The following ZPBP variants were observed in gnomAD, a reference collection of about 807,000 sequenced individuals.
ZPBP encodes zona pellucida-binding protein 1.
ZPBP carries 26 observed loss-of-function variants against 44.8 expected under a neutral mutation model. That is an observed-to-expected ratio of 0.58 (90% CI 0.43 to 0.81). The LOEUF (loss-of-function observed/expected upper bound fraction) is 0.81. Ranked by LOEUF, ZPBP falls within the 30% of genes least tolerant of loss-of-function variation. The pLI is 0.00. For missense variants in ZPBP, 409 were observed against 434.0 expected, an observed-to-expected ratio of 0.94 and a Z score of 0.51; for synonymous variants, 174 against 153.2, an observed-to-expected ratio of 1.14 and a Z score of -1.00.
chr7:49,856,191 A>G (rs1407961644), intron 2 of ZPBP, among the ~76,000 whole-genome samples: 3 of 152,162 alleles, frequency 2.0e-5, no homozygotes, highest in Non-Finnish European at 2.9e-5. Flanking sequence ...GTGATCCCTA[A>G]TGTTGGAGAT....
chr7:49,978,139 C>A (rs1796616791), intron 7 of ZPBP, among the ~76,000 whole-genome samples: 2 of 149,670 alleles, frequency 1.3e-5, no homozygotes. Context: ...AATATATAAG[C>A]TATACAAAAA....
intron 6 of ZPBP, among the ~76,000 whole-genome samples, chr7:50,011,090 G>A (rs1798555091): frequency 6.6e-6 from 1 of 151,950 alleles, no homozygotes; most frequent in Non-Finnish European, 1.5e-5. Flanking sequence ...CATCAACAAG[G>A]TAAACCAAAA....
chr7:49,951,996 A>G (rs1326306975), intron 7 of ZPBP, among the ~76,000 whole-genome samples: 3 of 151,898 alleles, frequency 2.0e-5, no homozygotes, highest in Non-Finnish European at 4.4e-5. Flanking sequence ...TTTATTTTAT[A>G]TGAAATATCC....
intron 6 of ZPBP, 77 bp from the exon 7 acceptor site, chr7:49,983,596 T>C: frequency 1.1e-6 from 1 of 920,514 alleles, no homozygotes; most frequent in Non-Finnish European, 1.6e-6. Flanking sequence ...TGCATGTGGA[T>C]TTAGAATTTA....
At chr7:49,900,553 C>A (rs547352735) in intron 2 of ZPBP, among the ~76,000 whole-genome samples, 13 of 151,722 alleles carry the variant, frequency 8.6e-5, no homozygotes, top group African/African-American at 3.1e-4. Context: ...GTTTAATAAT[C>A]AAGATGAAAT....
At chr7:49,992,453 A>G (rs1437489703) in intron 6 of ZPBP, among the ~76,000 whole-genome samples, 1 of 152,180 alleles carries the variant, frequency 6.6e-6, no homozygotes, top group Non-Finnish European at 1.5e-5. Context: ...ATGGAGTGAA[A>G]TTAAAAATTA....
At chr7:49,915,330 A>C (rs1257113661) in intron 1 of ZPBP, 1 of 152,170 alleles carries the variant, frequency 6.6e-6, no homozygotes, top group Non-Finnish European at 1.5e-5. Flanking sequence ...AAGCCTTGAA[A>C]CTAATTTAGG....
At chr7:50,017,061 G>A (rs900004337) in intron 6 of ZPBP, among the ~76,000 whole-genome samples, 1 of 152,040 alleles carries the variant, frequency 6.6e-6, no homozygotes, top group African/African-American at 2.4e-5. Context: ...GTTCGAGGGT[G>A]ACTCAAGGGC....
At position 50,031,080 on chromosome 7, in the gene ZPBP, G is replaced by C; in HGVS notation, c.706+12C>G. 6.8e-6 allele frequency: 11 copies of C among 1,611,454 alleles called. No individual in the cohort carries two copies. Among genetic ancestry groups the C allele is most frequent in the Non-Finnish European group, 9.3e-6 (11 of 1,178,410 alleles). The stretch of plus-strand genomic sequence containing the variant: ...TCTCCATTTGCTTTTCTAACAAATT[G>C]TATAGACTTACCTGAAAATGCAAAG... On this transcript the variant is annotated intron_variant, in intron 5 of 7. Transcript: ENST00000046087.
At chr7:49,979,830 T>C (rs1462682471) in intron 7 of ZPBP, among the ~76,000 whole-genome samples, 1 of 99,688 alleles carries the variant, frequency 1.0e-5, no homozygotes, top group East Asian at 2.6e-4. Flanking sequence ...TATACATATA[T>C]ATATATATAT....
intron 2 of ZPBP, among the ~76,000 whole-genome samples, chr7:49,854,812 C>T (rs1433327635): frequency 1.3e-5 from 2 of 152,174 alleles, no homozygotes; most frequent in African/African-American, 2.4e-5. Context: ...TTACTAAATG[C>T]TCTAGATAAA....
rs1314959170 is a variant in ZPBP, at chr7:49,981,216, T to C, written c.961+2126A>G. On this transcript the variant is annotated intron_variant, in intron 7 of 7. Coordinates refer to ENST00000046087, the MANE Select transcript of ZPBP (RefSeq NM_007009.3). ...AATGTATGTTATATATAATGTAATA[T>C]ATATTTATATACAAATTGTAAATAT... is the stretch of plus-strand genomic sequence containing the variant. Among the ~76,000 whole-genome samples the C allele has an allele frequency of 3.4e-5, 4 of 117,958 alleles. No homozygotes were observed. The East Asian group carries it at 9.3e-4, about 28-fold the overall frequency. 77.4% of individuals were successfully genotyped at this position (117,958 alleles called of 152,430 possible).
chr7:50,024,136 G>A (rs2128808531), intron 5 of ZPBP, among the ~76,000 whole-genome samples: 1 of 152,072 alleles, frequency 6.6e-6, no homozygotes, highest in South Asian at 2.1e-4. Flanking sequence ...CAGGATGGCT[G>A]TTGTCAAAAA....
chr7:49,974,313 TA>T (rs537934218), intron 7 of ZPBP, among the ~76,000 whole-genome samples: 2 of 150,714 alleles, frequency 1.3e-5, no homozygotes, highest in Non-Finnish European at 1.5e-5. Flanking sequence ...AATTTACCAA[TA>T]AAAAAAAAGT....
chr7:50,004,151 T>C (rs887318757), intron 6 of ZPBP, among the ~76,000 whole-genome samples: 13 of 152,016 alleles, frequency 8.6e-5, no homozygotes, highest in Non-Finnish European at 1.9e-4. Context: ...TCAAAGTGGG[T>C]TGCACTTTGT....
chr7:49,936,545 A>C (rs187544576), downstream of ZPBP, among the ~76,000 whole-genome samples: 2 of 152,360 alleles, frequency 1.3e-5, no homozygotes, highest in Admixed American at 1.3e-4. Flanking sequence ...TGCCATTTAC[A>C]AACGTTTATG....
chr7:49,884,842 G>A (rs1791827133), intron 2 of ZPBP, among the ~76,000 whole-genome samples: 2 of 152,054 alleles, frequency 1.3e-5, no homozygotes, highest in Admixed American at 1.3e-4. Flanking sequence ...GACGTCAATA[G>A]TTAATCAAAA....
chr7:49,910,914 AAC>A (rs1364014155), intron 1 of ZPBP, among the ~76,000 whole-genome samples: 1 of 152,168 alleles, frequency 6.6e-6, no homozygotes, highest in Admixed American at 6.5e-5. Flanking sequence ...AAACTCTGCA[AAC>A]AGTGTTTTCA....
intron 1 of ZPBP, among the ~76,000 whole-genome samples, chr7:49,928,753 T>C (rs925515753): frequency 2.6e-5 from 4 of 152,178 alleles, no homozygotes; most frequent in African/African-American, 9.7e-5. Context: ...GGAAGAGTGC[T>C]GCTATGCATA....
Sources: allele counts gnomAD v4.1 joint callset (sites outside exome capture counted in the v4.1 genomes callset), GRCh38; gene constraint gnomAD v4.1.1; transcripts MANE v1.5; gene names NCBI Gene and HGNC (gene_info 2026-07-23, HGNC 2026-07-21).